ADGRD1: variants seen among roughly 807,000 people sequenced by gnomAD.
The protein encoded by ADGRD1 is adhesion G protein-coupled receptor D1, also known as G-protein coupled receptor 133.
In ADGRD1, 77 loss-of-function variants were observed where a neutral mutation model predicts 113.4. The ratio of observed to expected loss-of-function variants is 0.68; its 90% CI spans 0.57 to 0.82. The LOEUF is 0.82. Among genes scored for constraint, ADGRD1 ranks in the 40% least tolerant of loss-of-function variants. The pLI, the probability that ADGRD1 is intolerant of heterozygous loss-of-function variation, is 0.00. For missense variants in ADGRD1, 1,036 were observed against 1,139.1 expected (o/e 0.91, Z 1.30); for synonymous variants, 474 against 475.0 (o/e 1.00, Z 0.03).
intron 18 of ADGRD1, 66 bp downstream of exon 18, chr12:131,108,943 G>T: frequency 1.1e-6 from 1 of 891,600 alleles, no homozygotes; most frequent in Non-Finnish European, 1.7e-6. Context: ...TGGGGATGGG[G>T]CAGGTAGGAC....
At chr12:131,015,340 G>A (rs1039625347) in intron 13 of ADGRD1, among the ~76,000 whole-genome samples, 12 of 148,984 alleles carry the variant, frequency 8.1e-5, no homozygotes, top group East Asian at 6.1e-4. Context: ...ATGGAGGTGC[G>A]GATGGAGATG....
Position 131,136,162 on chromosome 12 carries a change from A to C in ADGRD1, c.2393A>C (p.Gln798Pro). Residue 798 changes from glutamine to proline, a missense_variant and splice_region_variant, in exon 22 of 25, where the codon CAG becomes CCG. Physicochemically the swap from Gln to Pro is moderately conservative, Grantham distance 76. Coordinates refer to ENST00000261654, the MANE Select transcript of ADGRD1 (RefSeq NM_198827.5). ...QYMFATLNSLQGLFIFLFHCL... is the reference protein window; with the variant it reads ...QYMFATLNSLPGLFIFLFHCL... ...ATGTTTGCCACGCTCAACTCCCTGC[A>C]GGTGAGAGCCGCGGGGACTGGCGGG... The C allele has an allele frequency of 6.2e-7, 1 of 1,614,050 alleles. No individual in the cohort carries two copies. Among genetic ancestry groups the C allele is most frequent in the East Asian group, 2.2e-5 (1 of 44,868 alleles).
intron 15 of ADGRD1, among the ~76,000 whole-genome samples, chr12:131,103,724 A>G (rs1454574984): frequency 6.6e-6 from 1 of 152,112 alleles, no homozygotes; most frequent in African/African-American, 2.4e-5. Context: ...CCCGCATGCC[A>G]CAGGAGGAAG....
At chr12:131,098,699 C>T (rs1950000587) in intron 15 of ADGRD1, among the ~76,000 whole-genome samples, 1 of 152,222 alleles carries the variant, frequency 6.6e-6, no homozygotes, top group Non-Finnish European at 1.5e-5. Context: ...TCTGCAGTCA[C>T]CTCCGCCACC....
At position 131,060,197 on chromosome 12, in the gene ADGRD1, C is replaced by G. The variant is rs1047613347; in HGVS notation, c.1474-16604C>G. The stretch of plus-strand genomic sequence containing the variant: ...TTGCTTCTCCCCATGGCTTCACACT[C>G]GGTCTTCTCCAGTGCCACCTCCCTG... On this transcript the variant is annotated intron_variant, in intron 13 of 24. Coordinates refer to ENST00000261654, the MANE Select transcript of ADGRD1 (RefSeq NM_198827.5). This position sits in a 1 kb window ranked among gnomAD's most constrained non-coding sequence, Gnocchi z 4.4. 1.3e-5 allele frequency among the ~76,000 whole-genome samples: 2 copies of G among 152,222 alleles called. No individual in the cohort carries two copies. The highest frequency in any genetic ancestry group is 4.8e-5 in the African/African-American group (2 of 41,454).
At chr12:130,996,949 C>T (rs1267765530) in intron 8 of ADGRD1, among the ~76,000 whole-genome samples, 2 of 134,060 alleles carry the variant, frequency 1.5e-5, no homozygotes, top group Non-Finnish European at 3.2e-5. Context: ...GGGTGGCTGG[C>T]CGGGTGGGGG....
rs1465834815 is a variant in ADGRD1, at chr12:131,003,388, C to T, written c.1144+86C>T. 5.4e-6 allele frequency: 5 copies of T among 928,262 alleles called. No homozygotes were observed. The allele number at this position is 928,262 out of a possible 1,614,324, so 57.5% of individuals were successfully genotyped here. A position where few individuals can be genotyped will look rare whatever the true frequency, so the allele number is the denominator to read the frequency against. On this transcript the variant is annotated intron_variant, in intron 10 of 24. Coordinates refer to ENST00000261654, the MANE Select transcript of ADGRD1 (RefSeq NM_198827.5). This position sits in a 1 kb window ranked among gnomAD's most constrained non-coding sequence, Gnocchi z 4.8. ...ACTGCCTGTCTTTTTACACCCTTAG[C>T]AGAGAGCCATGCTCTGTCTCCCTGA...
intron 18 of ADGRD1, among the ~76,000 whole-genome samples, chr12:131,115,260 A>T (rs11061333): frequency 6.6e-6 from 1 of 152,108 alleles, no homozygotes; most frequent in African/African-American, 2.4e-5. Flanking sequence ...GCCTCGAGCT[A>T]TGTGAGGGAA....
intron 15 of ADGRD1, among the ~76,000 whole-genome samples, chr12:131,100,170 T>C (rs1950037301): frequency 6.6e-6 from 1 of 150,978 alleles, no homozygotes. Context: ...TAGTTGGTAG[T>C]GGGTTGGTTG....
chr12:131,077,054 C>T (rs1387366097), intron 14 of ADGRD1, among the ~76,000 whole-genome samples, 180 bp downstream of exon 14: 1 of 152,186 alleles, frequency 6.6e-6, no homozygotes, highest in East Asian at 1.9e-4. Flanking sequence ...GGGTGGAGGC[C>T]TCCCCTCCAG....
At chr12:131,064,712 T>C (rs546803904) in intron 13 of ADGRD1, among the ~76,000 whole-genome samples, 1 of 152,252 alleles carries the variant, frequency 6.6e-6, no homozygotes, top group Non-Finnish European at 1.5e-5. Context: ...ATATCTTCTA[T>C]AGAAAAGACC....
At chr12:131,024,548 T>G (rs1353840499) in intron 13 of ADGRD1, 1 of 152,250 alleles carries the variant, frequency 6.6e-6, no homozygotes, top group Admixed American at 6.5e-5. Context: ...TTGATGTATT[T>G]CAATGCACAG....
At chr12:130,979,282 A>G (rs1436614063) in intron 4 of ADGRD1, among the ~76,000 whole-genome samples, 1 of 152,166 alleles carries the variant, frequency 6.6e-6, no homozygotes, top group Non-Finnish European at 1.5e-5. Flanking sequence ...GCCTCTTCCA[A>G]TTTTTTTGAG....
Position 130,954,317 on chromosome 12 carries a change from G to A in ADGRD1, c.-149G>A. 1.6e-6 allele frequency: 1 copy of A among 629,696 alleles called. No homozygotes were observed. Among genetic ancestry groups the A allele is most frequent in the Non-Finnish European group, 2.7e-6 (1 of 368,114 alleles). 39.0% of individuals were successfully genotyped at this position (629,696 alleles called of 1,614,324 possible). On this transcript the variant is annotated 5_prime_UTR_variant, in exon 1 of 25. In the 5' UTR this introduces an upstream ATG that the reference lacks. Coordinates refer to ENST00000261654, the MANE Select transcript of ADGRD1 (RefSeq NM_198827.5). This position sits in a 1 kb window ranked among gnomAD's most constrained non-coding sequence, Gnocchi z 4.7. ...CACCCATTAGGTCTCCAAGACAGCT[G>A]TGTTTCACAAACTTTAAGGAGACAG...
At position 131,060,738 on chromosome 12, in the gene ADGRD1, G is replaced by A. The variant is rs950469275; in HGVS notation, c.1474-16063G>A. ...CCCTCACGTATCAGTAGCTACCCCT[G>A]GATTCTTTTGATCAAAAACTTTGGG... is the stretch of plus-strand genomic sequence containing the variant. On this transcript the variant is annotated intron_variant, in intron 13 of 24. Transcript: ENST00000261654. This position sits in a 1 kb window ranked among gnomAD's most constrained non-coding sequence, Gnocchi z 4.4. 3.3e-5 allele frequency among the ~76,000 whole-genome samples: 5 copies of A among 152,112 alleles called. No individual in the cohort carries two copies. Among genetic ancestry groups the A allele is most frequent in the African/African-American group, 2.4e-5 (1 of 41,408 alleles).
chr12:130,969,210 A>G, intron 3 of ADGRD1: 1 of 624,210 alleles, frequency 1.6e-6, no homozygotes. Context: ...TCAAGACAGC[A>G]GATCCAAGGT....
At position 130,966,126 on chromosome 12, in the gene ADGRD1, G is replaced by A. The variant is rs982259961; in HGVS notation, c.104-337G>A. ...CTCTAAAATAATGGTAAATAACAGC[G>A]GGATATGGAACATTCTTATCTTTTC... On this transcript the variant is annotated intron_variant, in intron 2 of 24. Transcript: ENST00000261654. The surrounding 1 kb of genome is among the most constrained non-coding windows in gnomAD (Gnocchi z 4.6). 8.5e-5 allele frequency among the ~76,000 whole-genome samples: 13 copies of A among 152,104 alleles called. No individual in the cohort carries two copies. Among genetic ancestry groups the A allele is most frequent in the South Asian group, 4.2e-4 (2 of 4,816 alleles).
In ADGRD1 at chr12:131,014,249, A is replaced by G; in HGVS notation, c.1382A>G (p.His461Arg). ...HQDCLLFATSHLISLEVSPPP... is the reference protein window; with the variant it reads ...HQDCLLFATSRLISLEVSPPP... Reference sequence around the variant, plus strand: ...GACTGCCTGCTGTTCGCCACCAGCCACCTGATTTCCCTGGAGGTGTCCCCA... The same window carrying G: ...GACTGCCTGCTGTTCGCCACCAGCCGCCTGATTTCCCTGGAGGTGTCCCCA... Residue 461 changes from histidine to arginine, a missense_variant, in exon 13 of 25, where the codon CAC (histidine) becomes CGC (arginine). Coordinates refer to ENST00000261654, the MANE Select transcript of ADGRD1 (RefSeq NM_198827.5). The G allele has an allele frequency of 2.5e-6, 4 of 1,614,076 alleles. No homozygotes were observed. Among genetic ancestry groups the G allele is most frequent in the Non-Finnish European group, 3.4e-6 (4 of 1,179,970 alleles).
intron 7 of ADGRD1, 99 bp from the exon 8 acceptor site, chr12:130,992,135 AAAT>A (rs1467197648): frequency 3.0e-5 from 24 of 789,768 alleles, no homozygotes; most frequent in Non-Finnish European, 3.9e-5. Context: ...AAAAAAAAAA[AAAT>A]TAAAAAAAGC....
Sources: allele counts gnomAD v4.1 joint callset (sites outside exome capture counted in the v4.1 genomes callset), GRCh38; gene constraint gnomAD v4.1.1; non-coding constraint Gnocchi (gnomAD v3.1); transcripts MANE v1.5; gene names NCBI Gene and HGNC (gene_info 2026-07-23, HGNC 2026-07-21).